The following MCC variants were observed in gnomAD, a reference collection of about 807,000 sequenced individuals.
MCC encodes colorectal mutant cancer protein.
MCC carries 90 observed loss-of-function variants against 116.2 expected under a neutral mutation model. The observed-to-expected ratio is 0.77, with a 90% CI of 0.65 to 0.92. The LOEUF is 0.92. Ranked by LOEUF, MCC falls within the 40% of genes least tolerant of loss-of-function variation. The probability of loss-of-function intolerance (pLI) is 0.00; values close to 1 mark genes in which losing one functional copy is unlikely to be tolerated. For synonymous variants in MCC, 578 were observed against 510.5 expected (o/e 1.13, Z -1.78); for missense variants, 1,516 against 1,312.2 (o/e 1.16, Z -2.40).
chr5:113,029,592 T>A (rs961553442), intron 17 of MCC, among the ~76,000 whole-genome samples: 9 of 152,174 alleles, frequency 5.9e-5, no homozygotes, highest in Admixed American at 5.9e-4. Flanking sequence ...TTATTTCCCA[T>A]GAAATTACAT....
intron 1 of MCC, among the ~76,000 whole-genome samples, chr5:113,422,842 ATACTTAGT>A (rs1237657610): frequency 1.3e-5 from 2 of 152,222 alleles, no homozygotes; most frequent in Admixed American, 1.3e-4. Flanking sequence ...TAGATTTAAT[ATACTTAGT>A]TACTTTCCTT....
At chr5:113,329,796 C>T (rs1767655748) in intron 3 of MCC, among the ~76,000 whole-genome samples, 1 of 152,180 alleles carries the variant, frequency 6.6e-6, no homozygotes, top group Admixed American at 6.5e-5. Context: ...CACTCACCTC[C>T]AGTCCATCCC....
At chr5:113,383,649 C>T (rs1769178550) in intron 2 of MCC, among the ~76,000 whole-genome samples, 1 of 151,532 alleles carries the variant, frequency 6.6e-6, no homozygotes, top group Admixed American at 6.6e-5. Flanking sequence ...TTTTTTTCCC[C>T]GTGTTTTTTT....
Position 113,371,328 on chromosome 5 carries a change from C to T in MCC, c.415+13640G>A, listed in dbSNP as rs948188543. 2.6e-5 allele frequency among the ~76,000 whole-genome samples: 4 copies of T among 152,188 alleles called. No individual in the cohort carries two copies. The South Asian group carries it at 6.2e-4, about 24-fold the overall frequency. On this transcript the variant is annotated intron_variant, in intron 2 of 18. Coordinates refer to ENST00000408903, the MANE Select transcript of MCC (RefSeq NM_001085377.2). ...TGTGACCTCAGCAATATCATTTAGT[C>T]CTCTAGGTCTCCATTTCCTTATCTA... is the stretch of plus-strand genomic sequence containing the variant.
At chr5:113,258,076 A>T (rs1359814029) in intron 3 of MCC, among the ~76,000 whole-genome samples, 5 of 152,194 alleles carry the variant, frequency 3.3e-5, no homozygotes, top group Non-Finnish European at 5.9e-5. Context: ...GAAGATACCA[A>T]ATAAACATTG....
At chr5:113,188,425 T>C (rs1287630290) in intron 3 of MCC, among the ~76,000 whole-genome samples, 2 of 152,254 alleles carry the variant, frequency 1.3e-5, no homozygotes, top group Non-Finnish European at 2.9e-5. Flanking sequence ...GAATTTATTC[T>C]GCTTCCAAGG....
At chr5:113,275,599 A>G (rs1765791057) in intron 3 of MCC, among the ~76,000 whole-genome samples, 1 of 152,236 alleles carries the variant, frequency 6.6e-6, no homozygotes, top group South Asian at 2.1e-4. Context: ...AGACAGGTAT[A>G]GCCCGCCCTC....
intron 2 of MCC, among the ~76,000 whole-genome samples, chr5:113,356,533 A>G (rs1768419919): frequency 6.6e-6 from 1 of 152,106 alleles, no homozygotes; most frequent in Non-Finnish European, 1.5e-5. Context: ...GCAATTTGAC[A>G]TATTTGTAAA....
intron 1 of MCC, among the ~76,000 whole-genome samples, chr5:113,485,139 C>G (rs758014908): frequency 6.6e-6 from 1 of 152,062 alleles, no homozygotes; most frequent in South Asian, 2.1e-4. Flanking sequence ...AAGACTGGGC[C>G]AAGAGAATAT....
At chr5:113,431,189 A>G (rs1770630250) in intron 1 of MCC, among the ~76,000 whole-genome samples, 2 of 152,088 alleles carry the variant, frequency 1.3e-5, no homozygotes, top group Admixed American at 6.6e-5. Flanking sequence ...GAAGAGATGA[A>G]GAAATGGCTA....
intron 1 of MCC, among the ~76,000 whole-genome samples, chr5:113,400,999 G>T (rs77877385): frequency 0.032 from 4,907 of 152,266 alleles, 109 homozygotes; most frequent in East Asian, 0.075. Flanking sequence ...ATGTAAGGCA[G>T]TCATGTCTGA....
chr5:113,050,917 G>C (rs1230980513), intron 15 of MCC, among the ~76,000 whole-genome samples: 9 of 152,226 alleles, frequency 5.9e-5, no homozygotes, highest in Non-Finnish European at 1.5e-5. Context: ...GACCCCTACG[G>C]GAGCAGGATT....
chr5:113,203,624 GC>G (rs1762787443), intron 3 of MCC, among the ~76,000 whole-genome samples: 1 of 152,108 alleles, frequency 6.6e-6, no homozygotes, highest in Non-Finnish European at 1.5e-5. Flanking sequence ...AAAGTTTGTG[GC>G]TTTAACAAAG....
intron 3 of MCC, among the ~76,000 whole-genome samples, chr5:113,326,676 A>G (rs1767561422): frequency 6.6e-6 from 1 of 152,218 alleles, no homozygotes; most frequent in African/African-American, 2.4e-5. Flanking sequence ...TGAATTTTCA[A>G]TAGTTCTCAC....
At chr5:113,176,669 T>C (rs535905367) in intron 3 of MCC, among the ~76,000 whole-genome samples, 7 of 152,322 alleles carry the variant, frequency 4.6e-5, no homozygotes, top group South Asian at 2.1e-4. Context: ...TGCTAGGCAA[T>C]TGAACTGTCA....
intron 17 of MCC, among the ~76,000 whole-genome samples, chr5:113,041,769 T>C (rs117766331): frequency 1.3e-5 from 2 of 152,158 alleles, no homozygotes; most frequent in Non-Finnish European, 2.9e-5. Context: ...CCAAGGCGGT[T>C]GGATCACATG....
At chr5:113,294,369 G>C (rs749424752) in intron 3 of MCC, 2 of 1,613,584 alleles carry the variant, frequency 1.2e-6, no homozygotes, top group Non-Finnish European at 1.7e-6. Context: ...ATATTTCATG[G>C]CAACTCCGGA....
At chr5:113,396,545 TG>T (rs1053890384) in intron 1 of MCC, among the ~76,000 whole-genome samples, 20 of 151,572 alleles carry the variant, frequency 1.3e-4, no homozygotes, top group Non-Finnish European at 2.9e-4. Flanking sequence ...GCTGAGGCAG[TG>T]GATTGCTTGA....
At chr5:113,325,222 T>C (rs1261128608) in intron 3 of MCC, among the ~76,000 whole-genome samples, 1 of 152,094 alleles carries the variant, frequency 6.6e-6, no homozygotes, top group African/African-American at 2.4e-5. Context: ...TGGGAAAGAA[T>C]TCCCAGTGTT....
Sources: gnomAD v4.1 joint callset for allele counts (sites outside exome capture counted in the v4.1 genomes callset) on GRCh38, gnomAD v4.1.1 for gene constraint, MANE v1.5 for transcripts, NCBI Gene and HGNC (gene_info 2026-07-23, HGNC 2026-07-21) for gene names.